LRRC4C: variants seen among roughly 807,000 people sequenced by gnomAD.
The protein encoded by LRRC4C is leucine rich repeat containing 4C, also known as leucine-rich repeat-containing protein 4C.
In LRRC4C, 5 loss-of-function variants were observed where a neutral mutation model predicts 33.6. That is an observed-to-expected ratio of 0.15 (90% CI 0.08 to 0.31). LRRC4C has a LOEUF of 0.31. Ranked by LOEUF, LRRC4C falls within the 10% of genes least tolerant of loss-of-function variation. LRRC4C has a pLI of 1.00. For missense variants in LRRC4C, 560 were observed against 796.7 expected (o/e 0.70, Z 3.58); for synonymous variants, 329 against 302.0 (o/e 1.09, Z -0.93).
chr11:40,132,442 T>C (rs368396223), intron 6 of LRRC4C, among the ~76,000 whole-genome samples: 112 of 152,298 alleles, frequency 7.4e-4, no homozygotes, highest in African/African-American at 2.6e-3. Flanking sequence ...TTTGTGGCAA[T>C]GTATGAATCA....
At chr11:40,815,421 T>A (rs1951666487) in intron 2 of LRRC4C, among the ~76,000 whole-genome samples, 1 of 152,176 alleles carries the variant, frequency 6.6e-6, no homozygotes, top group South Asian at 2.1e-4. Flanking sequence ...CCAAACCATA[T>A]CAATACCCTT....
intron 1 of LRRC4C, among the ~76,000 whole-genome samples, chr11:40,950,462 G>A (rs1958643861): frequency 6.6e-6 from 1 of 151,866 alleles, no homozygotes; most frequent in Non-Finnish European, 1.5e-5. Context: ...ATGTGCACCT[G>A]TGTTATAGAA....
chr11:40,881,265 T>G (rs1035959317), intron 2 of LRRC4C, among the ~76,000 whole-genome samples: 6 of 152,140 alleles, frequency 3.9e-5, no homozygotes, highest in African/African-American at 1.4e-4. Context: ...CTCTCCAATT[T>G]TATAATCTTA....
intron 3 of LRRC4C, among the ~76,000 whole-genome samples, chr11:40,381,286 T>G (rs1163907484): frequency 6.6e-6 from 1 of 151,620 alleles, no homozygotes; most frequent in Non-Finnish European, 1.5e-5. Flanking sequence ...GGGGTCAATC[T>G]GAGGTAGATA....
At chr11:40,249,961 C>A (rs1156652293) in intron 4 of LRRC4C, among the ~76,000 whole-genome samples, 2 of 147,238 alleles carry the variant, frequency 1.4e-5, no homozygotes, top group Non-Finnish European at 3.0e-5. Context: ...ATTTATTGCG[C>A]CAAGGGGCAA....
chr11:41,081,977 T>C (rs78373297), intron 1 of LRRC4C, among the ~76,000 whole-genome samples: 10,508 of 152,208 alleles, frequency 0.069, 411 homozygotes, highest in Non-Finnish European at 0.096. Flanking sequence ...TCAGTGCTCA[T>C]TGAATTTAAA....
intron 2 of LRRC4C, among the ~76,000 whole-genome samples, chr11:40,679,975 C>T (rs912146384): frequency 7.9e-5 from 12 of 152,214 alleles, no homozygotes; most frequent in Admixed American, 3.3e-4. Context: ...AACGCCAGCC[C>T]GTGAAAGCAG....
At chr11:41,043,037 T>A (rs1857536867) in intron 1 of LRRC4C, among the ~76,000 whole-genome samples, 1 of 144,546 alleles carries the variant, frequency 6.9e-6, no homozygotes. Context: ...GCAAGTCTCA[T>A]CGAAATCCAA....
intron 3 of LRRC4C, among the ~76,000 whole-genome samples, chr11:40,407,557 A>G (rs1950006372): frequency 6.6e-6 from 1 of 152,130 alleles, no homozygotes; most frequent in Non-Finnish European, 1.5e-5. Flanking sequence ...CTTCTCCTGG[A>G]ATGAGGACAA....
chr11:40,741,490 G>C (rs1268535124), intron 2 of LRRC4C, among the ~76,000 whole-genome samples: 1 of 151,914 alleles, frequency 6.6e-6, no homozygotes, highest in South Asian at 2.1e-4. Context: ...AATCCAAATT[G>C]GATCCAAGCC....
intron 2 of LRRC4C, among the ~76,000 whole-genome samples, chr11:40,759,380 G>A (rs7949214): frequency 0.069 from 10,419 of 151,186 alleles, 602 homozygotes; most frequent in African/African-American, 0.16. Flanking sequence ...GTGGTTATGT[G>A]AGTAAAAATT....
intron 1 of LRRC4C, among the ~76,000 whole-genome samples, chr11:41,304,817 T>TG (rs1950429751): frequency 1.3e-5 from 1 of 79,506 alleles, no homozygotes; most frequent in Non-Finnish European, 2.4e-5. Context: ...GGGAGGGAGG[T>TG]GGGGGGGTCA....
chr11:41,400,994 A>C (rs1482668064), intron 1 of LRRC4C, among the ~76,000 whole-genome samples: 1 of 151,922 alleles, frequency 6.6e-6, no homozygotes, highest in African/African-American at 2.4e-5. Flanking sequence ...GCAATGCAGG[A>C]AAATGCTTGA....
chr11:41,342,975 A>G (rs1356325416), intron 1 of LRRC4C, among the ~76,000 whole-genome samples: 1 of 152,086 alleles, frequency 6.6e-6, no homozygotes, highest in African/African-American at 2.4e-5. Flanking sequence ...GGTGGTGACA[A>G]CCTTTCCTTG....
chr11:40,746,894 T>C (rs1948455116), intron 2 of LRRC4C, among the ~76,000 whole-genome samples: 1 of 152,194 alleles, frequency 6.6e-6, no homozygotes, highest in South Asian at 2.1e-4. Flanking sequence ...TGTTAATGTG[T>C]ACTGCTCAGG....
At position 41,198,934 on chromosome 11, in the gene LRRC4C, A is replaced by G. The variant is rs535498341; in HGVS notation, c.-496+260497T>C. On this transcript the variant is annotated intron_variant, in intron 1 of 6. Coordinates refer to ENST00000528697, the MANE Select transcript of LRRC4C (RefSeq NM_001258419.2). ...TCTCAACGGGTGTTTTATTTATTTT[A>G]TCCACATAAGAAAATCTGTTCTAAA... 1.2e-4 allele frequency among the ~76,000 whole-genome samples: 18 copies of G among 152,262 alleles called. No individual in the cohort carries two copies. In the East Asian group the frequency reaches 3.3e-3, roughly 28 times the overall value.
chr11:40,924,538 A>G (rs756322146), intron 2 of LRRC4C, among the ~76,000 whole-genome samples: 1 of 152,152 alleles, frequency 6.6e-6, no homozygotes, highest in Non-Finnish European at 1.5e-5. Context: ...TAATGGTATT[A>G]ATATGCAGTT....
rs1338172120 is a variant in LRRC4C, at chr11:40,449,147, T to C, written c.-269-129426A>G. Among the ~76,000 whole-genome samples, 5 of 152,178 alleles carry C rather than the reference T, an allele frequency of 3.3e-5. No individual in the cohort carries two copies. In the East Asian group the frequency reaches 9.6e-4, roughly 29 times the overall value. On this transcript the variant is annotated intron_variant, in intron 3 of 6. Transcript: ENST00000528697. ...CTTGGTAGATTCAGGATATTAGCCC[T>C]TTCTCAGATGGTTAGATTGCAAAAA... is the stretch of plus-strand genomic sequence containing the variant.
chr11:41,383,992 A>C (rs541158867), intron 1 of LRRC4C, among the ~76,000 whole-genome samples: 2 of 152,112 alleles, frequency 1.3e-5, no homozygotes, highest in East Asian at 3.9e-4. Context: ...CTAATTCTGC[A>C]CTAAAATTTA....
Sources: allele counts gnomAD v4.1 joint callset (sites outside exome capture counted in the v4.1 genomes callset), GRCh38; gene constraint gnomAD v4.1.1; transcripts MANE v1.5; gene names NCBI Gene and HGNC (gene_info 2026-07-23, HGNC 2026-07-21).